PLXDC1: variants seen among roughly 807,000 people sequenced by gnomAD.
PLXDC1 encodes the protein plexin domain containing 1.
PLXDC1 carries 39 observed loss-of-function variants against 61.3 expected under a neutral mutation model. The observed-to-expected ratio is 0.64, with a 90% CI of 0.49 to 0.83. PLXDC1 has a LOEUF of 0.83. Among genes scored for constraint, PLXDC1 ranks in the 40% least tolerant of loss-of-function variants. The pLI is 0.00. For missense variants in PLXDC1, 596 were observed against 666.5 expected (o/e 0.89, Z 1.17); for synonymous variants, 212 against 254.5 (o/e 0.83, Z 1.59).
rs918246302 is a variant in PLXDC1 at position 39,108,777 on chromosome 17, A to G, written c.469+127T>C. 51 of 678,918 alleles carry G rather than the reference A, an allele frequency of 7.5e-5. 1 individual carries two copies. In the South Asian group the frequency reaches 8.0e-4, roughly 11 times the overall value. 42.1% of individuals were successfully genotyped at this position (678,918 alleles called of 1,614,324 possible). A position where few individuals can be genotyped will look rare whatever the true frequency, so the allele number is the denominator to read the frequency against. ...CCCCCCTCCTGAGAATCAGACTCCT[A>G]TTAGAGCCAAATGTGCCTTCCTCCC... On this transcript the variant is annotated intron_variant, in intron 4 of 13. Transcript: ENST00000315392.
chr17:39,134,643 A>G (rs867581996), intron 2 of PLXDC1, among the ~76,000 whole-genome samples: 1,522 of 151,930 alleles, frequency 0.01, 37 homozygotes, highest in African/African-American at 0.035. Context: ...AAAAAAAGAA[A>G]AAGAAAAAAC....
chr17:39,115,473 C>T (rs1233702039), intron 2 of PLXDC1, among the ~76,000 whole-genome samples: 1 of 152,206 alleles, frequency 6.6e-6, no homozygotes, highest in African/African-American at 2.4e-5. Flanking sequence ...CCAAACAGGC[C>T]CAACAGACTG....
intron 2 of PLXDC1, among the ~76,000 whole-genome samples, chr17:39,118,084 C>CCCTTCCTTCCTTCCTTCCTTCCTT (rs56223337): frequency 6.9e-4 from 70 of 101,926 alleles, no homozygotes; most frequent in African/African-American, 2.6e-3. Flanking sequence ...CTCCCTCCCT[C>CCCTTCCTTCCTTCCTTCCTTCCTT]CCTTCCTTCC....
chr17:39,127,235 A>G (rs1911337293), intron 2 of PLXDC1, among the ~76,000 whole-genome samples: 1 of 152,192 alleles, frequency 6.6e-6, no homozygotes, highest in Admixed American at 6.6e-5. Flanking sequence ...CCCAGCAAGG[A>G]TACGCACGGT....
Position 39,139,718 on chromosome 17 carries a change from C to T in PLXDC1, c.191G>A (p.Ser64Asn). The change falls in exon 2 of 14, where the codon AGC (serine) becomes AAC (asparagine). Residue 64 changes from serine to asparagine, a missense_variant. Coordinates refer to ENST00000315392, the MANE Select transcript of PLXDC1 (RefSeq NM_020405.5). ...HVSEPDRTQL[S>N]QDLGGGTLAM... The stretch of plus-strand genomic sequence containing the variant: ...CAGGGTGCCCCCACCCAGGTCCTGG[C>T]TCAGCTGGGTCCTGTCCGGCTCTGA... 3 of 1,614,020 alleles carry T rather than the reference C, an allele frequency of 1.9e-6. No homozygotes were observed. Among genetic ancestry groups the T allele is most frequent in the Non-Finnish European group, 2.5e-6 (3 of 1,180,020 alleles).
intron 7 of PLXDC1, among the ~76,000 whole-genome samples, chr17:39,104,067 C>T (rs1375916341): frequency 6.6e-6 from 1 of 152,150 alleles, no homozygotes; most frequent in Non-Finnish European, 1.5e-5. Context: ...CTGTTCGCTA[C>T]AGAACAAGGT....
chr17:39,085,738 G>T (rs1003629251), intron 8 of PLXDC1, among the ~76,000 whole-genome samples: 4 of 152,130 alleles, frequency 2.6e-5, no homozygotes, highest in Admixed American at 6.5e-5. Flanking sequence ...ATCTGGACAA[G>T]TCCTTCCCAC....
intron 4 of PLXDC1, 54 bp downstream of exon 4, chr17:39,108,850 G>C (rs1477446179): frequency 5.6e-6 from 7 of 1,241,622 alleles, no homozygotes; most frequent in Non-Finnish European, 8.3e-6. Flanking sequence ...GAGGGCCCCT[G>C]AGTTCGGGCT....
rs1909160578 is a variant in PLXDC1, at chr17:39,072,470, T to TTCAACTTGGTGTCA, written c.1188_1201dup (p.Asn401MetfsTer5). On this transcript the variant is annotated stop_gained and frameshift_variant, in exon 12 of 14. Transcript: ENST00000315392. LOFTEE classifies it high-confidence loss of function. ...CTCACCGTCTCCTCCTGCATAGGGATTCAACTTGGTGTCATCTTCAAAGAG... is the reference window on the plus strand; with the variant it reads ...CTCACCGTCTCCTCCTGCATAGGGATTCAACTTGGTGTCATCAACTTGGTGTCATCTTCAAAGAG... 1.9e-6 allele frequency: 3 copies of TTCAACTTGGTGTCA among 1,551,784 alleles called. No individual in the cohort carries two copies. Among genetic ancestry groups the TTCAACTTGGTGTCA allele is most frequent in the Non-Finnish European group, 2.6e-6 (3 of 1,143,040 alleles).
chr17:39,091,913 T>G (rs1909965416), intron 7 of PLXDC1, among the ~76,000 whole-genome samples: 1 of 140,262 alleles, frequency 7.1e-6, no homozygotes, highest in Non-Finnish European at 1.5e-5. Context: ...GAGCTGAGAC[T>G]GCACCACTGC....
chr17:39,132,655 G>T (rs1044549223), intron 2 of PLXDC1, among the ~76,000 whole-genome samples: 1 of 152,184 alleles, frequency 6.6e-6, no homozygotes, highest in Non-Finnish European at 1.5e-5. Flanking sequence ...CTGGCGGGGG[G>T]TGCCTGGCAG....
chr17:39,075,776 G>A (rs964576342), intron 11 of PLXDC1, among the ~76,000 whole-genome samples: 14 of 152,060 alleles, frequency 9.2e-5, no homozygotes, highest in African/African-American at 3.1e-4. Flanking sequence ...TCTAGGTAAC[G>A]TTTAGAAAGG....
rs1909303057 is a variant in PLXDC1 at position 39,075,768 on chromosome 17, T to C, written c.1186+2145A>G. ...TCACTGACTTTGTTCTCTAGTTTTC[T>C]AGGTAACGTTTAGAAAGGCAGGGGA... On this transcript the variant is annotated intron_variant, in intron 11 of 13. Transcript: ENST00000315392. Among the ~76,000 whole-genome samples, 3 of 152,228 alleles carry C rather than the reference T, an allele frequency of 2.0e-5. No individual in the cohort carries two copies. In the East Asian group the frequency reaches 5.8e-4, roughly 29 times the overall value.
chr17:39,081,800 G>A (rs531850695), intron 9 of PLXDC1, among the ~76,000 whole-genome samples: 3 of 152,190 alleles, frequency 2.0e-5, no homozygotes, highest in South Asian at 2.1e-4. Context: ...AAAAATGGCC[G>A]GGTGTGGTGG....
rs544032005 is a variant in PLXDC1, at chr17:39,132,585, C to T, written c.255+7069G>A. 6.9e-4 allele frequency among the ~76,000 whole-genome samples: 105 copies of T among 152,272 alleles called. 1 individual carries two copies. Among genetic ancestry groups the T allele is most frequent in the African/African-American group, 1.6e-3 (65 of 41,548 alleles). The stretch of plus-strand genomic sequence containing the variant: ...CCTGGGACTGGGAGGGCAGGCTAGA[C>T]GCCTCGAGGCCTCCAAAGCAAGAGG... On this transcript the variant is annotated intron_variant, in intron 2 of 13. Coordinates refer to ENST00000315392, the MANE Select transcript of PLXDC1 (RefSeq NM_020405.5).
rs1480605744 is a variant in PLXDC1, at chr17:39,064,239, C to T, written c.*3601G>A. On this transcript the variant is annotated 3_prime_UTR_variant, in exon 14 of 14. Coordinates refer to ENST00000315392, the MANE Select transcript of PLXDC1 (RefSeq NM_020405.5). ...TGGGATGATCATAGCTCTCTGCAGC[C>T]TTGAACTCCTGAGCTCAAGCAATCC... The T allele has an allele frequency of 6.6e-6, 1 of 152,224 alleles. No homozygotes were observed. The highest frequency in any genetic ancestry group is 2.4e-5 in the African/African-American group (1 of 41,420). 9.4% of individuals were successfully genotyped at this position (152,224 alleles called of 1,614,324 possible).
At chr17:39,112,984 A>G (rs1910861722) in intron 2 of PLXDC1, 2 of 152,296 alleles carry the variant, frequency 1.3e-5, no homozygotes, top group South Asian at 4.1e-4. Context: ...TATGAATGTG[A>G]CTTTATTTGG....
intron 1 of PLXDC1, among the ~76,000 whole-genome samples, chr17:39,142,449 G>A (rs1487155735): frequency 6.6e-6 from 1 of 152,180 alleles, no homozygotes; most frequent in African/African-American, 2.4e-5. Flanking sequence ...GCGGCCATGC[G>A]AACCTCCATT....
At chr17:39,093,028 A>AAAAG (rs1213698860) in intron 7 of PLXDC1, among the ~76,000 whole-genome samples, 1 of 152,192 alleles carries the variant, frequency 6.6e-6, no homozygotes, top group Non-Finnish European at 1.5e-5. Flanking sequence ...TTGTGTTTCT[A>AAAAG]AAAGAGTCAA....
Sources: gnomAD v4.1 joint callset for allele counts (sites outside exome capture counted in the v4.1 genomes callset) on GRCh38, gnomAD v4.1.1 for gene constraint, MANE v1.5 for transcripts, NCBI Gene and HGNC (gene_info 2026-07-23, HGNC 2026-07-21) for gene names.